Variants in LGR6 observed in about 807,000 individuals in gnomAD.
LGR6 encodes leucine-rich repeat-containing G protein-coupled receptor 6.
In LGR6, 45 loss-of-function variants were observed where a neutral mutation model predicts 69.4. That is an observed-to-expected ratio of 0.65 (90% CI 0.51 to 0.83). The LOEUF is 0.83. Among genes scored for constraint, LGR6 ranks in the 40% least tolerant of loss-of-function variants. The pLI is 0.00. For synonymous variants in LGR6, 538 were observed against 555.0 expected (o/e 0.97, Z 0.43); for missense variants, 1,108 against 1,246.7 (o/e 0.89, Z 1.68).
At chr1:202,312,052 T>G (rs1653786169) in intron 16 of LGR6, among the ~76,000 whole-genome samples, 1 of 152,180 alleles carries the variant, frequency 6.6e-6, no homozygotes, top group Admixed American at 6.5e-5. Flanking sequence ...ATGGAAACTT[T>G]CCTTCCTCAA....
At chr1:202,256,161 T>C (rs1244490608) in intron 4 of LGR6, among the ~76,000 whole-genome samples, 3 of 152,230 alleles carry the variant, frequency 2.0e-5, no homozygotes, top group African/African-American at 7.2e-5. Context: ...ATATCTGGCT[T>C]TTTTTACTTA....
chr1:202,248,009 G>A (rs986820963), intron 4 of LGR6, among the ~76,000 whole-genome samples: 5 of 152,222 alleles, frequency 3.3e-5, no homozygotes, highest in African/African-American at 9.7e-5. Context: ...TTTTTCGAGA[G>A]CGTGTGAGTA....
chr1:202,245,685 T>C (rs1571884537), intron 4 of LGR6, among the ~76,000 whole-genome samples: 1 of 152,026 alleles, frequency 6.6e-6, no homozygotes, highest in East Asian at 1.9e-4. Flanking sequence ...AACTGATAGC[T>C]CAGATTTGGT....
chr1:202,318,829 G>C lies in LGR6; in HGVS notation c.2526G>C (p.Arg842=). The stretch of plus-strand genomic sequence containing the variant: ...TCCGGGATGACCTTCGGCGGCTTCG[G>C]CCCCGCGCAGGGGACTCAGGGCCCC... ...PHFRDDLRRL[R]PRAGDSGPLA... is the part of the protein sequence containing the mutation. The change falls in exon 18 of 18, where the codon CGG becomes CGC. Residue 842 remains arginine, a synonymous_variant. Coordinates refer to ENST00000367278, the MANE Select transcript of LGR6 (RefSeq NM_001017403.2). The C allele has an allele frequency of 1.2e-6, 2 of 1,613,260 alleles. No homozygotes were observed. The highest frequency in any genetic ancestry group is 1.7e-6 in the Non-Finnish European group (2 of 1,179,712).
intron 1 of LGR6, among the ~76,000 whole-genome samples, chr1:202,212,580 T>C (rs112526468): frequency 0.023 from 3,519 of 152,288 alleles, 139 homozygotes; most frequent in African/African-American, 0.08. Flanking sequence ...GGTTACCACA[T>C]CACTCCAATC....
chr1:202,291,883 G>A (rs961341688), intron 6 of LGR6, among the ~76,000 whole-genome samples: 1 of 152,218 alleles, frequency 6.6e-6, no homozygotes, highest in African/African-American at 2.4e-5. Context: ...CCATTGTAAT[G>A]CTATGCATGC....
At chr1:202,272,273 T>C (rs1665165746) in intron 4 of LGR6, among the ~76,000 whole-genome samples, 1 of 152,230 alleles carries the variant, frequency 6.6e-6, no homozygotes, top group African/African-American at 2.4e-5. Context: ...CTGGCAGTGC[T>C]ACCCTGGGTC....
rs545082854 is a variant in LGR6, at chr1:202,260,239, A to T, written c.429-16067A>T. ...TTTTTAGTAGAGATGGGGTTTTGTC[A>T]TGTTGGCCAGACTGATTTCGAACTC... is the stretch of plus-strand genomic sequence containing the variant. On this transcript the variant is annotated intron_variant, in intron 4 of 17. Transcript: ENST00000367278. Among the ~76,000 whole-genome samples, 437 of 151,926 alleles carry T rather than the reference A, an allele frequency of 2.9e-3. 3 individuals are homozygous for T. The highest frequency in any genetic ancestry group is 9.6e-3 in the African/African-American group (399 of 41,414).
rs1272714714 is a variant in LGR6 at position 202,301,211 on chromosome 1, A to G, written c.905A>G (p.Gln302Arg). The G allele has an allele frequency of 1.2e-6, 2 of 1,614,074 alleles. No individual in the cohort carries two copies. Among genetic ancestry groups the G allele is most frequent in the Non-Finnish European group, 1.7e-6 (2 of 1,180,022 alleles). ...CAGTTTGTGGGAAGATCGGCATTCC[A>G]GTACCTGCCTAAACTCCACACACTG... ...PIQFVGRSAF[Q>R]YLPKLHTLSL... The change falls in exon 9 of 18, where the codon CAG becomes CGG. Residue 302 changes from glutamine (Q) to arginine (R), a missense_variant. Gln to Arg is a conservative substitution (Grantham distance 43). Transcript: ENST00000367278.
chr1:202,232,228 C>G (rs1479794417), intron 3 of LGR6, among the ~76,000 whole-genome samples: 1 of 152,256 alleles, frequency 6.6e-6, no homozygotes, highest in East Asian at 1.9e-4. Flanking sequence ...CCCCATAACC[C>G]CCAAGCACTT....
chr1:202,305,676 T>C lies in LGR6; in HGVS notation c.1071-8T>C. The C allele has an allele frequency of 2.5e-6, 4 of 1,613,314 alleles. No individual in the cohort carries two copies. The highest frequency in any genetic ancestry group is 3.4e-6 in the Non-Finnish European group (4 of 1,179,796). On this transcript the variant is annotated splice_region_variant and splice_polypyrimidine_tract_variant and intron_variant, in intron 11 of 17. Coordinates refer to ENST00000367278, the MANE Select transcript of LGR6 (RefSeq NM_001017403.2). ...TCACCCCAGCCCTGGCCTTTCTCTT[T>C]TCCCCAGGGAACTGTCTCACAATCA...
intron 4 of LGR6, among the ~76,000 whole-genome samples, chr1:202,263,525 T>C (rs1157170403): frequency 6.6e-6 from 1 of 152,142 alleles, no homozygotes; most frequent in African/African-American, 2.4e-5. Flanking sequence ...GGAAACAACT[T>C]GAGTGTGTTT....
intron 1 of LGR6, among the ~76,000 whole-genome samples, chr1:202,224,181 A>G (rs1198490296): frequency 2.0e-5 from 3 of 152,088 alleles, no homozygotes; most frequent in South Asian, 2.1e-4. Flanking sequence ...GGAGATAATG[A>G]TGGAAGCTAA....
intron 7 of LGR6, 84 bp from the exon 8 acceptor site, chr1:202,300,765 G>C: frequency 1.0e-6 from 1 of 953,654 alleles, no homozygotes; most frequent in Non-Finnish European, 1.6e-6. Flanking sequence ...CTAGCTTGCT[G>C]TCCAAAAGCC....
At chr1:202,272,527 G>C (rs1346154554) in intron 4 of LGR6, among the ~76,000 whole-genome samples, 1 of 152,192 alleles carries the variant, frequency 6.6e-6, no homozygotes, top group Admixed American at 6.5e-5. Context: ...TCATGAGCCA[G>C]GACAGAAGAT....
intron 3 of LGR6, among the ~76,000 whole-genome samples, chr1:202,234,715 C>A (rs551075817): frequency 6.6e-6 from 1 of 152,192 alleles, no homozygotes; most frequent in Non-Finnish European, 1.5e-5. Context: ...TGAATTAATA[C>A]AAGTTCTAAG....
chr1:202,248,867 T>C (rs1473729636), intron 4 of LGR6, among the ~76,000 whole-genome samples: 1 of 152,112 alleles, frequency 6.6e-6, no homozygotes, highest in Non-Finnish European at 1.5e-5. Flanking sequence ...GCAGCACCTT[T>C]CTGGGGCTGG....
Position 202,318,856 on chromosome 1 carries a change from A to T in LGR6, c.2553A>T (p.Leu851=), listed in dbSNP as rs140366988. 8.4e-4 allele frequency: 1,354 copies of T among 1,613,680 alleles called. No individual in the cohort carries two copies. Among genetic ancestry groups the T allele is most frequent in the Middle Eastern group, 8.3e-4 (5 of 6,058 alleles). ...LRPRAGDSGP[L]AYAAAGELEK... ...CCCGCGCAGGGGACTCAGGGCCCCT[A>T]GCCTATGCTGCGGCCGGGGAGCTGG... The change falls in exon 18 of 18, where the codon CTA becomes CTT. Residue 851 remains leucine (L), a synonymous_variant. Coordinates refer to ENST00000367278, the MANE Select transcript of LGR6 (RefSeq NM_001017403.2).
At chr1:202,241,561 G>A (rs1398060823) in intron 4 of LGR6, among the ~76,000 whole-genome samples, 1 of 152,170 alleles carries the variant, frequency 6.6e-6, no homozygotes, top group Non-Finnish European at 1.5e-5. Context: ...CAGTTTGGGA[G>A]GGGGGAGAAT....
Sources: gnomAD v4.1 joint callset for allele counts (sites outside exome capture counted in the v4.1 genomes callset) on GRCh38, gnomAD v4.1.1 for gene constraint, MANE v1.5 for transcripts, NCBI Gene and HGNC (gene_info 2026-07-23, HGNC 2026-07-21) for gene names.